The following CSMD1 variants were observed in gnomAD, a reference collection of about 807,000 sequenced individuals.
CSMD1 encodes CUB and Sushi multiple domains 1.
Under a neutral mutation model 417.5 loss-of-function variants are expected in CSMD1, and 213 were observed. The observed-to-expected ratio is 0.51, with a 90% CI of 0.46 to 0.57. The LOEUF is 0.57. CSMD1 is among the 20% of genes least tolerant of loss of function. The pLI is 0.00. For missense variants in CSMD1, 6,923 were observed against 4,529.7 expected (o/e 1.53, Z -15.17); for synonymous variants, 2,862 against 1,736.8 (o/e 1.65, Z -16.11).
In CSMD1 at chr8:4,436,414, G is replaced by A. The variant is rs73658896; in HGVS notation, c.303-16349C>T. On this transcript the variant is annotated intron_variant, in intron 2 of 69. Coordinates refer to ENST00000635120, the MANE Select transcript of CSMD1 (RefSeq NM_033225.6). ...GTCTGTTTCAATTTTTGTGTGTACA[G>A]AGTAGATGTGTGTATTTGTGGGGTA... Among the ~76,000 whole-genome samples the A allele has an allele frequency of 3.1e-3, 465 of 152,220 alleles. 3 individuals carry two copies. The highest frequency in any genetic ancestry group is 0.011 in the African/African-American group (443 of 41,536).
rs111205006 is a variant in CSMD1 at position 3,670,641 on chromosome 8, A to G, written c.1009+37773T>C. On this transcript the variant is annotated intron_variant, in intron 7 of 69. Transcript: ENST00000635120. Reference sequence around the variant, plus strand: ...GGATATATATATGGGATATTTATATATGAAGGATATATACATGGGATATAT... The same window carrying G: ...GGATATATATATGGGATATTTATATGTGAAGGATATATACATGGGATATAT... Among the ~76,000 whole-genome samples the G allele has an allele frequency of 4.3e-4, 53 of 123,882 alleles. 1 individual carries two copies. The highest frequency in any genetic ancestry group is 1.4e-3 in the African/African-American group (49 of 34,408). The allele number at this position is 123,882 out of a possible 152,430, so 81.3% of individuals were successfully genotyped here.
chr8:4,212,441 A>G (rs1338344581), intron 3 of CSMD1, among the ~76,000 whole-genome samples: 1 of 152,172 alleles, frequency 6.6e-6, no homozygotes, highest in Non-Finnish European at 1.5e-5. Context: ...AGTTCAGAAA[A>G]TCATGAAAAA....
At chr8:4,570,812 A>G (rs1253387704) in intron 2 of CSMD1, among the ~76,000 whole-genome samples, 1 of 152,076 alleles carries the variant, frequency 6.6e-6, no homozygotes, top group Non-Finnish European at 1.5e-5. Flanking sequence ...CACTGTGTCA[A>G]TTTTGGAACT....
At chr8:4,222,052 CA>C (rs1801062529) in intron 3 of CSMD1, among the ~76,000 whole-genome samples, 2 of 464 alleles carry the variant, frequency 4.3e-3, no homozygotes, top group South Asian at 0.05. Flanking sequence ...GAGAAGACAT[CA>C]AAGGCCATCA....
intron 1 of CSMD1, among the ~76,000 whole-genome samples, chr8:4,639,478 T>C (rs187317668): frequency 1.6e-4 from 25 of 152,286 alleles, no homozygotes; most frequent in Admixed American, 1.4e-3. Flanking sequence ...ATTTCGTTTG[T>C]CTGAGGTTAG....
At chr8:3,607,710 C>T (rs530223804) in intron 8 of CSMD1, among the ~76,000 whole-genome samples, 10 of 152,286 alleles carry the variant, frequency 6.6e-5, no homozygotes, top group African/African-American at 9.6e-5. Flanking sequence ...AAAAATTTTA[C>T]GGAGAACTAT....
intron 49 of CSMD1, among the ~76,000 whole-genome samples, chr8:3,077,572 G>T (rs1813774489): frequency 6.6e-6 from 1 of 152,190 alleles, no homozygotes; most frequent in Admixed American, 6.5e-5. Flanking sequence ...CACTTCCTTT[G>T]AATTGTTTGC....
At chr8:4,441,060 C>CT (rs1280406858) in intron 2 of CSMD1, among the ~76,000 whole-genome samples, 3 of 121,250 alleles carry the variant, frequency 2.5e-5, no homozygotes, top group Non-Finnish European at 3.3e-5. Flanking sequence ...AAAATATAAA[C>CT]TTTTTTCCTA....
At chr8:3,708,581 C>T in intron 6 of CSMD1, 90 bp from the exon 7 acceptor site, 1 of 1,094,856 alleles carries the variant, frequency 9.1e-7, no homozygotes, top group Non-Finnish European at 1.4e-6. Context: ...GTCATAACTG[C>T]TTTCTATCAA....
At chr8:4,579,172 C>T (rs533601151) in intron 2 of CSMD1, among the ~76,000 whole-genome samples, 1 of 151,852 alleles carries the variant, frequency 6.6e-6, no homozygotes, top group Admixed American at 6.6e-5. Context: ...TATGTACACA[C>T]TAAGAATTTA....
intron 1 of CSMD1, among the ~76,000 whole-genome samples, chr8:4,888,891 A>G (rs982027119): frequency 6.6e-6 from 1 of 152,170 alleles, no homozygotes; most frequent in African/African-American, 2.4e-5. Context: ...TTTGTAACCC[A>G]TACATTCACA....
chr8:4,755,711 T>C (rs1483599083), intron 1 of CSMD1, among the ~76,000 whole-genome samples: 1 of 152,230 alleles, frequency 6.6e-6, no homozygotes, highest in Non-Finnish European at 1.5e-5. Flanking sequence ...CAATTTTGAA[T>C]CTTGCTTCCG....
At chr8:4,349,393 C>A (rs924177454) in intron 3 of CSMD1, among the ~76,000 whole-genome samples, 2 of 152,122 alleles carry the variant, frequency 1.3e-5, no homozygotes, top group African/African-American at 4.8e-5. Context: ...TTGTGGTAGG[C>A]AGAGGAAATA....
At chr8:3,930,626 A>T (rs1036282497) in intron 5 of CSMD1, among the ~76,000 whole-genome samples, 1 of 150,222 alleles carries the variant, frequency 6.7e-6, no homozygotes, top group Non-Finnish European at 1.5e-5. Flanking sequence ...TGGCCGTGTC[A>T]GGTTATAAGT....
At chr8:3,359,041 C>T (rs955213378) in intron 21 of CSMD1, 111 bp downstream of exon 21, 12 of 976,272 alleles carry the variant, frequency 1.2e-5, no homozygotes, top group Non-Finnish European at 1.7e-5. Flanking sequence ...CACTTTCACC[C>T]TCTCCTTCCT....
intron 8 of CSMD1, among the ~76,000 whole-genome samples, chr8:3,612,364 T>C (rs933531477): frequency 1.3e-5 from 2 of 151,966 alleles, no homozygotes; most frequent in African/African-American, 4.8e-5. Context: ...AGTAGATGAT[T>C]TAGATAAATC....
At chr8:3,571,034 A>C (rs1161486803) in intron 10 of CSMD1, among the ~76,000 whole-genome samples, 1 of 152,252 alleles carries the variant, frequency 6.6e-6, no homozygotes, top group Non-Finnish European at 1.5e-5. Flanking sequence ...GAATTTGGAA[A>C]GTGGAAACTG....
chr8:4,023,839 G>A (rs147277676), intron 4 of CSMD1, among the ~76,000 whole-genome samples: 2 of 130,328 alleles, frequency 1.5e-5, no homozygotes, highest in African/African-American at 2.9e-5. Context: ...GGATGGCCTC[G>A]ATCTCCTGAC....
chr8:4,556,143 G>A (rs1262388447), intron 2 of CSMD1, among the ~76,000 whole-genome samples: 1 of 152,126 alleles, frequency 6.6e-6, no homozygotes, highest in East Asian at 1.9e-4. Context: ...TAATAAGTAT[G>A]CTATGCATAG....
Sources: allele counts gnomAD v4.1 joint callset (sites outside exome capture counted in the v4.1 genomes callset), GRCh38; gene constraint gnomAD v4.1.1; transcripts MANE v1.5; gene names NCBI Gene and HGNC (gene_info 2026-07-23, HGNC 2026-07-21).